Variants in MARK1 observed in about 807,000 individuals in gnomAD.
The protein encoded by MARK1 is serine/threonine-protein kinase MARK1.
A neutral mutation model predicts 96.3 loss-of-function variants in MARK1; 40 were observed. The observed-to-expected ratio is 0.42, with a 90% CI of 0.32 to 0.54. The LOEUF (loss-of-function observed/expected upper bound fraction) is 0.54. Ranked by LOEUF, MARK1 falls within the 20% of genes least tolerant of loss-of-function variation. The probability of loss-of-function intolerance (pLI) is 0.16; values close to 1 mark genes in which losing one functional copy is unlikely to be tolerated. For missense variants in MARK1, 719 were observed against 984.6 expected (o/e 0.73, Z 3.61); for synonymous variants, 317 against 341.2 (o/e 0.93, Z 0.78).
chr1:220,606,904 A>G (rs1022282825), intron 6 of MARK1, among the ~76,000 whole-genome samples: 3 of 152,202 alleles, frequency 2.0e-5, no homozygotes, highest in African/African-American at 4.8e-5. Context: ...TACCAGTACC[A>G]TGCTCTTTCA....
chr1:220,663,511 A>G lies in MARK1; in HGVS notation c.*1345A>G, dbSNP rs1669588139. 1 of 152,612 alleles carries G rather than the reference A, an allele frequency of 6.6e-6. No homozygotes were observed. The highest frequency in any genetic ancestry group is 1.5e-5 in the Non-Finnish European group (1 of 68,024). 9.5% of individuals were successfully genotyped at this position (152,612 alleles called of 1,614,324 possible). A position where few individuals can be genotyped will look rare whatever the true frequency, so the allele number is the denominator to read the frequency against. On this transcript the variant is annotated 3_prime_UTR_variant, in exon 18 of 18. Transcript: ENST00000366917. ...CTGTGCAATGTTATTTACTGTTGTAATTACTGTAATACCAACATATGGGCC... is the reference window on the plus strand; with the variant it reads ...CTGTGCAATGTTATTTACTGTTGTAGTTACTGTAATACCAACATATGGGCC...
intron 9 of MARK1, among the ~76,000 whole-genome samples, chr1:220,620,791 A>C (rs75476308): frequency 6.6e-6 from 1 of 152,128 alleles, no homozygotes; most frequent in South Asian, 2.1e-4. Flanking sequence ...TTTTTCAGCT[A>C]TGAAACCACG....
At chr1:220,529,220 C>G (rs897231179) in intron 1 of MARK1, among the ~76,000 whole-genome samples, 1 of 152,208 alleles carries the variant, frequency 6.6e-6, no homozygotes, top group Non-Finnish European at 1.5e-5. Context: ...TCTGTGCCCC[C>G]ACCCGAATGA....
At chr1:220,604,800 A>T (rs1665969701) in intron 6 of MARK1, among the ~76,000 whole-genome samples, 2 of 152,106 alleles carry the variant, frequency 1.3e-5, no homozygotes, top group African/African-American at 4.8e-5. Context: ...CCATATAAAT[A>T]GCAAATTAGT....
intron 13 of MARK1, among the ~76,000 whole-genome samples, chr1:220,643,777 C>A (rs1475042190): frequency 6.6e-6 from 1 of 152,216 alleles, no homozygotes; most frequent in Non-Finnish European, 1.5e-5. Flanking sequence ...ATTCTACATT[C>A]TTAAAGAAAA....
At chr1:220,561,520 A>C (rs919210680) in intron 1 of MARK1, among the ~76,000 whole-genome samples, 6 of 152,328 alleles carry the variant, frequency 3.9e-5, no homozygotes, top group Non-Finnish European at 8.8e-5. Context: ...AGATTTACTT[A>C]GAGGGATACA....
chr1:220,649,136 C>G (rs1421868793), intron 13 of MARK1, among the ~76,000 whole-genome samples: 1 of 152,050 alleles, frequency 6.6e-6, no homozygotes, highest in African/African-American at 2.4e-5. Flanking sequence ...GATGACATTT[C>G]TAGTTTTTTG....
chr1:220,547,266 G>A (rs889706785), intron 1 of MARK1, among the ~76,000 whole-genome samples: 1 of 152,168 alleles, frequency 6.6e-6, no homozygotes, highest in Admixed American at 6.5e-5. Context: ...AGGAAATAAA[G>A]TATTTACTAG....
At chr1:220,571,528 C>T (rs1335720019) in intron 1 of MARK1, among the ~76,000 whole-genome samples, 1 of 151,958 alleles carries the variant, frequency 6.6e-6, no homozygotes, top group African/African-American at 2.4e-5. Flanking sequence ...CTTCAAATGC[C>T]AAAACAGGGG....
At chr1:220,606,053 T>C (rs1666053802) in intron 6 of MARK1, among the ~76,000 whole-genome samples, 1 of 152,204 alleles carries the variant, frequency 6.6e-6, no homozygotes, top group South Asian at 2.1e-4. Flanking sequence ...CTGGGTCAAA[T>C]GGTAGTTCTA....
chr1:220,588,440 T>G (rs189456795), intron 3 of MARK1, among the ~76,000 whole-genome samples: 3 of 152,234 alleles, frequency 2.0e-5, no homozygotes, highest in Non-Finnish European at 2.9e-5. Context: ...AATAATTGGC[T>G]GCAAGTTATC....
intron 3 of MARK1, among the ~76,000 whole-genome samples, chr1:220,587,224 AT>A (rs1330224251): frequency 6.6e-6 from 1 of 151,946 alleles, no homozygotes; most frequent in Middle Eastern, 3.2e-3. Context: ...ACATTGTCTT[AT>A]AGTTTATTCA....
chr1:220,536,496 C>T (rs1394390967), intron 1 of MARK1, among the ~76,000 whole-genome samples: 1 of 151,316 alleles, frequency 6.6e-6, no homozygotes, highest in African/African-American at 2.4e-5. Context: ...AGTTTCTAAC[C>T]TTATCATTTG....
At chr1:220,603,988 G>A (rs1168223366) in intron 5 of MARK1, 79 bp from the exon 6 acceptor site, 2 of 820,452 alleles carry the variant, frequency 2.4e-6, no homozygotes, top group Non-Finnish European at 3.8e-6. Flanking sequence ...TTATAAACAA[G>A]GAAAAAACTT....
intron 9 of MARK1, among the ~76,000 whole-genome samples, chr1:220,629,775 T>C (rs1667565726): frequency 6.6e-6 from 1 of 152,214 alleles, no homozygotes; most frequent in African/African-American, 2.4e-5. Context: ...TTGTAACATA[T>C]AACAGGATTT....
chr1:220,542,789 G>A (rs1008428299), intron 1 of MARK1, among the ~76,000 whole-genome samples: 1 of 152,072 alleles, frequency 6.6e-6, no homozygotes, highest in Non-Finnish European at 1.5e-5. Flanking sequence ...TTAAAAAATA[G>A]ATACTATTTT....
intron 2 of MARK1, 139 bp downstream of exon 2, chr1:220,579,696 T>C: frequency 3.1e-6 from 2 of 650,998 alleles, no homozygotes; most frequent in Non-Finnish European, 5.4e-6. Context: ...GGAACATTAG[T>C]AGGCAGAGGT....
intron 1 of MARK1, among the ~76,000 whole-genome samples, chr1:220,555,243 CA>C (rs1226704929): frequency 6.6e-6 from 1 of 152,116 alleles, no homozygotes; most frequent in Non-Finnish European, 1.5e-5. Flanking sequence ...GGAGATGTGG[CA>C]GGGGGTTGAG....
At chr1:220,595,533 G>A (rs1447787311) in intron 3 of MARK1, among the ~76,000 whole-genome samples, 1 of 152,226 alleles carries the variant, frequency 6.6e-6, no homozygotes. Flanking sequence ...GGAGCACAAA[G>A]GTAGAGCAGA....
Sources: gnomAD v4.1 joint callset for allele counts (sites outside exome capture counted in the v4.1 genomes callset) on GRCh38, gnomAD v4.1.1 for gene constraint, MANE v1.5 for transcripts, NCBI Gene and HGNC (gene_info 2026-07-23, HGNC 2026-07-21) for gene names.